PLAC8: variants seen among roughly 807,000 people sequenced by gnomAD.
PLAC8 encodes the protein placenta-specific gene 8 protein.
PLAC8 carries 6 observed loss-of-function variants against 12.6 expected under a neutral mutation model. That is an observed-to-expected ratio of 0.48 (90% CI 0.26 to 0.94). The LOEUF (loss-of-function observed/expected upper bound fraction) is 0.94. Among genes scored for constraint, PLAC8 ranks in the 40% least tolerant of loss-of-function variants. The probability of loss-of-function intolerance (pLI) is 0.14; values close to 1 mark genes in which losing one functional copy is unlikely to be tolerated. For missense variants in PLAC8, 122 were observed against 152.7 expected (o/e 0.80, Z 1.06); for synonymous variants, 54 against 52.6 (o/e 1.03, Z -0.11).
At chr4:83,096,161 G>A (rs756740727) in intron 3 of PLAC8, among the ~76,000 whole-genome samples, 6 of 152,158 alleles carry the variant, frequency 3.9e-5, no homozygotes, top group Non-Finnish European at 7.3e-5. Context: ...TATAAACTAC[G>A]TTTCTCCCAA....
intron 2 of PLAC8, among the ~76,000 whole-genome samples, chr4:83,105,551 T>C (rs1050106035): frequency 2.0e-5 from 3 of 152,204 alleles, no homozygotes; most frequent in Non-Finnish European, 4.4e-5. Flanking sequence ...TAGTGTTCAT[T>C]CAATATGGCT....
chr4:83,112,126 A>T (rs1277187297), intron 1 of PLAC8, among the ~76,000 whole-genome samples: 3 of 150,288 alleles, frequency 2.0e-5, no homozygotes, highest in Non-Finnish European at 2.9e-5. Flanking sequence ...GTGAGCCAAG[A>T]TCGTGCCATT....
intron 2 of PLAC8, among the ~76,000 whole-genome samples, chr4:83,107,518 A>G (rs1732280562): frequency 6.7e-6 from 1 of 148,922 alleles, no homozygotes; most frequent in Non-Finnish European, 1.5e-5. Context: ...GCTCGTTGTT[A>G]GAATCAATCA....
At chr4:83,104,621 C>T (rs1732191927) in intron 3 of PLAC8, among the ~76,000 whole-genome samples, 1 of 152,200 alleles carries the variant, frequency 6.6e-6, no homozygotes, top group Non-Finnish European at 1.5e-5. Context: ...ACATGTAATG[C>T]ATCCACGCCA....
At chr4:83,102,944 G>A (rs1732140519) in intron 3 of PLAC8, among the ~76,000 whole-genome samples, 1 of 151,622 alleles carries the variant, frequency 6.6e-6, no homozygotes, top group Non-Finnish European at 1.5e-5. Flanking sequence ...AAATTAGCCG[G>A]GCGTAGTGGC....
intron 3 of PLAC8, among the ~76,000 whole-genome samples, chr4:83,102,349 A>C (rs929054027): frequency 6.6e-6 from 1 of 152,144 alleles, no homozygotes; most frequent in Admixed American, 6.5e-5. Flanking sequence ...CCTGGCCAAC[A>C]TGGTAAAAAC....
In PLAC8 at chr4:83,097,860, G is replaced by GTTT. The variant is rs70946968; in HGVS notation, c.244-3072_244-3070dup. 1.8e-4 allele frequency among the ~76,000 whole-genome samples: 24 copies of GTTT among 131,110 alleles called. 1 individual carries two copies. Among genetic ancestry groups the GTTT allele is most frequent in the South Asian group, 4.8e-4 (2 of 4,144 alleles). The allele number at this position is 131,110 out of a possible 152,430, so 86.0% of individuals were successfully genotyped here. The stretch of plus-strand genomic sequence containing the variant: ...AATGTAATTTTGTCTAGTTTTGAGG[G>GTTT]TTTTTTTTTTTTTTTTTGAGATGGA... On this transcript the variant is annotated intron_variant, in intron 3 of 4. Transcript: ENST00000311507.
At chr4:83,099,733 C>A (rs1014916394) in intron 3 of PLAC8, among the ~76,000 whole-genome samples, 1 of 151,746 alleles carries the variant, frequency 6.6e-6, no homozygotes. Flanking sequence ...CATGGTGGCT[C>A]ACACCTGTAA....
intron 1 of PLAC8, among the ~76,000 whole-genome samples, chr4:83,110,152 C>A (rs1732393572): frequency 6.6e-6 from 1 of 152,182 alleles, no homozygotes; most frequent in South Asian, 2.1e-4. Flanking sequence ...CGCCCAGGCT[C>A]ACCGGGCATT....
intron 4 of PLAC8, 26 bp from the exon 5 acceptor site, chr4:83,090,997 A>C (rs1731795331): frequency 1.3e-5 from 2 of 152,154 alleles, no homozygotes; most frequent in Non-Finnish European, 2.9e-5. Context: ...AAGAGTTTTG[A>C]ATTTTCTTAA....
intron 3 of PLAC8, among the ~76,000 whole-genome samples, chr4:83,099,992 G>T (rs1732050325): frequency 6.7e-6 from 1 of 148,996 alleles, no homozygotes; most frequent in Non-Finnish European, 1.5e-5. Flanking sequence ...GTGACAGAGC[G>T]AGACTCTGTC....
At chr4:83,094,465 C>G (rs1731878887) in intron 4 of PLAC8, 2 of 404,466 alleles carry the variant, frequency 4.9e-6, no homozygotes, top group Admixed American at 9.7e-5. Context: ...GAAAATTCAC[C>G]ATTCCTTTAT....
chr4:83,098,526 G>T (rs1410577643), intron 3 of PLAC8, among the ~76,000 whole-genome samples: 1 of 152,178 alleles, frequency 6.6e-6, no homozygotes, highest in Admixed American at 6.5e-5. Context: ...TAGCACCAAA[G>T]ATGCACTAAT....
Position 83,108,138 on chromosome 4 carries a change from A to AATATAT in PLAC8, c.-29-194_-29-189dup, listed in dbSNP as rs372538727. ...TACCCTAGAACTTAAAGTATAATAA[A>AATATAT]ATATATATATATATATAAAAGAAAT... On this transcript the variant is annotated intron_variant, in intron 1 of 4. Transcript: ENST00000311507. Among the ~76,000 whole-genome samples, 358 of 149,494 alleles carry AATATAT rather than the reference A, an allele frequency of 2.4e-3. 2 individuals carry two copies. The highest frequency in any genetic ancestry group is 7.8e-3 in the African/African-American group (317 of 40,794).
intron 4 of PLAC8, among the ~76,000 whole-genome samples, chr4:83,092,409 T>C (rs1480628069): frequency 2.0e-5 from 3 of 152,120 alleles, no homozygotes; most frequent in Admixed American, 6.5e-5. Flanking sequence ...TTATTTTTAC[T>C]TTTTAGTAGA....
At chr4:83,100,272 C>G in intron 3 of PLAC8, among the ~76,000 whole-genome samples, 1 of 134,710 alleles carries the variant, frequency 7.4e-6, no homozygotes, top group African/African-American at 3.2e-5. Context: ...CAGAGCGAGA[C>G]TCCATCTCAA....
At chr4:83,107,702 T>G in intron 2 of PLAC8, 102 bp downstream of exon 2, 1 of 324,772 alleles carries the variant, frequency 3.1e-6, no homozygotes, top group Non-Finnish European at 5.9e-6. Context: ...TGTAATAAGT[T>G]AGAAACTTTT....
chr4:83,114,362 G>A (rs983926694), intron 1 of PLAC8, among the ~76,000 whole-genome samples: 2 of 152,174 alleles, frequency 1.3e-5, no homozygotes, highest in Non-Finnish European at 2.9e-5. Context: ...TAATGATCAT[G>A]TTACTAAATA....
Position 83,105,030 on chromosome 4 carries a change from T to A in PLAC8, c.119-10A>T, listed in dbSNP as rs779694317. ...AATGTGCCACAGAGACCTAGACACA[T>A]GAAACCAGGGGTACATATTACTCCA... On this transcript the variant is annotated splice_polypyrimidine_tract_variant and intron_variant, in intron 2 of 4. Transcript: ENST00000311507. 1 of 1,613,900 alleles carries A rather than the reference T, an allele frequency of 6.2e-7. No homozygotes were observed. Among genetic ancestry groups the A allele is most frequent in the Non-Finnish European group, 8.5e-7 (1 of 1,179,910 alleles).
Sources: gnomAD v4.1 joint callset for allele counts (sites outside exome capture counted in the v4.1 genomes callset) on GRCh38, gnomAD v4.1.1 for gene constraint, MANE v1.5 for transcripts, NCBI Gene and HGNC (gene_info 2026-07-23, HGNC 2026-07-21) for gene names.